The following USP16 variants were observed in gnomAD, a reference collection of about 807,000 sequenced individuals.
USP16 encodes the protein ubiquitin carboxyl-terminal hydrolase 16.
USP16 carries 77 observed loss-of-function variants against 95.9 expected under a neutral mutation model. The ratio of observed to expected loss-of-function variants is 0.80; its 90% CI spans 0.67 to 0.97. USP16 has a LOEUF of 0.97. Ranked by LOEUF, USP16 falls within the 50% of genes least tolerant of loss-of-function variation. USP16 has a pLI of 0.00. For missense variants in USP16, 943 were observed against 959.9 expected, an observed-to-expected ratio of 0.98 and a Z score of 0.23; for synonymous variants, 303 against 318.2, an observed-to-expected ratio of 0.95 and a Z score of 0.51.
intron 13 of USP16, among the ~76,000 whole-genome samples, 159 bp from the exon 14 acceptor site, chr21:29,046,508 A>C (rs2085325218): frequency 6.6e-6 from 1 of 152,168 alleles, no homozygotes; most frequent in South Asian, 2.1e-4. Context: ...TCAGATTGTG[A>C]GAGTGAACTC....
rs2085016901 is a variant in USP16, at chr21:29,027,895, T to G, written c.-19T>G. 5 of 1,613,378 alleles carry G rather than the reference T, an allele frequency of 3.1e-6. No homozygotes were observed. The highest frequency in any genetic ancestry group is 4.2e-6 in the Non-Finnish European group (5 of 1,179,544). On this transcript the variant is annotated 5_prime_UTR_variant, in exon 2 of 18. The change abolishes the stop of an existing upstream ORF in the 5' untranslated region. Transcript: ENST00000399976. ...TAGATTGTTATTTTGTGTCAGTAAG[T>G]AATCCATAAAGTGCCAACATGGGAA...
chr21:29,039,437 T>C (rs1261440519), intron 8 of USP16, 44 bp from the exon 9 acceptor site: 1 of 1,581,870 alleles, frequency 6.3e-7, no homozygotes, highest in Non-Finnish European at 8.7e-7. Flanking sequence ...CTTCAGAGCT[T>C]AGTAGACTGA....
At chr21:29,028,123 C>CATT in intron 2 of USP16, 149 bp downstream of exon 2, 1 of 430,138 alleles carries the variant, frequency 2.3e-6, no homozygotes. Context: ...TAGTCTTCTA[C>CATT]TTTTTTTTTT....
rs1601055249 is a variant in USP16, at chr21:29,038,330, T to G, written c.637-5T>G. On this transcript the variant is annotated splice_polypyrimidine_tract_variant and splice_region_variant and intron_variant, in intron 6 of 17. Coordinates refer to ENST00000399976, the MANE Select transcript of USP16 (RefSeq NM_006447.3). ...TTTCTCTTTTTTTTTCACCCTACAT[T>G]CTAGAACTTGTCACAAACACCAGTG... 6.2e-7 allele frequency: 1 copy of G among 1,600,616 alleles called. No individual in the cohort carries two copies. Among genetic ancestry groups the G allele is most frequent in the Middle Eastern group, 1.7e-4 (1 of 6,002 alleles).
Position 29,054,348 on chromosome 21 carries a change from G to A in USP16, c.*161G>A. 3.1e-6 allele frequency: 3 copies of A among 953,940 alleles called. No individual in the cohort carries two copies. The highest frequency in any genetic ancestry group is 3.0e-6 in the Non-Finnish European group (2 of 666,094). The allele number at this position is 953,940 out of a possible 1,614,324, so 59.1% of individuals were successfully genotyped here. A position where few individuals can be genotyped will look rare whatever the true frequency, so the allele number is the denominator to read the frequency against. ...ATTGAAGGGAAAAATACCTAAAAAT[G>A]TACAAAGGTTTTATATTGTCATAGT... On this transcript the variant is annotated 3_prime_UTR_variant, in exon 18 of 18. Transcript: ENST00000399976.
chr21:29,026,465 A>C (rs1170474696), intron 1 of USP16: 1 of 151,468 alleles, frequency 6.6e-6, no homozygotes, highest in Non-Finnish European at 1.5e-5. Flanking sequence ...CAAAAAAAAA[A>C]AAAAAAAAAG....
In USP16 at chr21:29,054,121, A is replaced by G. The variant is rs1406462930; in HGVS notation, c.2406A>G (p.Gln802=). 6.2e-7 allele frequency: 1 copy of G among 1,614,166 alleles called. No individual in the cohort carries two copies. The change falls in exon 18 of 18, where the codon CAA becomes CAG. Residue 802 remains glutamine, a synonymous_variant. Transcript: ENST00000399976. ...QWFHISDTHV[Q]AVPTTKVLNS... is the part of the protein sequence containing the mutation. ...TTCACATCAGCGACACACATGTGCA[A>G]GCTGTGCCTACAACTAAAGTACTAA...
rs749061953 is a variant in USP16, at chr21:29,047,310, C to T, written c.2000C>T (p.Ala667Val). 8.7e-6 allele frequency: 14 copies of T among 1,604,702 alleles called. No individual in the cohort carries two copies. Among genetic ancestry groups the T allele is most frequent in the Non-Finnish European group, 1.7e-6 (2 of 1,175,972 alleles). Residue 667 changes from alanine to valine, a missense_variant, in exon 14 of 18, where the codon GCA becomes GTA. Coordinates refer to ENST00000399976, the MANE Select transcript of USP16 (RefSeq NM_006447.3). ...CTRRQCNGPK[A>V]NIKGERKHVY... Reference sequence around the variant, plus strand: ...CGGAGACAGTGTAATGGACCAAAGGCAAATATAAAAGGTATTTTAATGCTC... The same window carrying T: ...CGGAGACAGTGTAATGGACCAAAGGTAAATATAAAAGGTATTTTAATGCTC...
intron 3 of USP16, among the ~76,000 whole-genome samples, chr21:29,032,538 G>A (rs1054088641): frequency 2.6e-5 from 4 of 152,166 alleles, no homozygotes; most frequent in Admixed American, 2.6e-4. Flanking sequence ...AGCCAGGATT[G>A]GCTTTTTCAC....
intron 13 of USP16, among the ~76,000 whole-genome samples, chr21:29,044,696 C>T (rs1482710292): frequency 6.6e-6 from 1 of 152,180 alleles, no homozygotes; most frequent in East Asian, 1.9e-4. Flanking sequence ...ATCTGCCCAC[C>T]TCAGCCTACC....
intron 2 of USP16, among the ~76,000 whole-genome samples, chr21:29,028,612 T>C (rs1412143681): frequency 6.6e-6 from 1 of 151,828 alleles, no homozygotes; most frequent in Non-Finnish European, 1.5e-5. Flanking sequence ...ATTTTTGTAT[T>C]TTTAGTAGAG....
At chr21:29,049,990 C>T in intron 15 of USP16, 102 bp from the exon 16 acceptor site, 1 of 984,762 alleles carries the variant, frequency 1.0e-6, no homozygotes, top group Non-Finnish European at 1.5e-6. Context: ...TGAACTAGGA[C>T]TTAATGTTGA....
At chr21:29,038,683 T>A (rs1467123580) in intron 7 of USP16, among the ~76,000 whole-genome samples, 1 of 152,236 alleles carries the variant, frequency 6.6e-6, no homozygotes, top group Admixed American at 6.5e-5. Context: ...TTGAGAAGCC[T>A]TAGGCTTACA....
chr21:29,030,323 C>T (rs2085058993), intron 2 of USP16, among the ~76,000 whole-genome samples: 1 of 151,938 alleles, frequency 6.6e-6, no homozygotes, highest in Non-Finnish European at 1.5e-5. Flanking sequence ...AAGGAAATAG[C>T]CAAATAAATT....
chr21:29,028,645 A>G (rs1337857185), intron 2 of USP16, among the ~76,000 whole-genome samples: 1 of 152,128 alleles, frequency 6.6e-6, no homozygotes, highest in Non-Finnish European at 1.5e-5. Flanking sequence ...CATGTTGACC[A>G]GGCTGGTCTT....
rs1224596265 is a variant in USP16 at position 29,046,769 on chromosome 21, C to T, written c.1459C>T (p.Leu487Phe). The part of the protein sequence containing the change: ...EDSEYEAEMS[L>F]QGEVNIKSNH... ...CAGTGAATATGAAGCTGAAATGTCACTTCAAGGAGAAGTAAATATTAAATC... is the reference window on the plus strand; with the variant it reads ...CAGTGAATATGAAGCTGAAATGTCATTTCAAGGAGAAGTAAATATTAAATC... The change falls in exon 14 of 18, where the codon CTT becomes TTT. Residue 487 changes from leucine (L) to phenylalanine (F), a missense_variant. Leu to Phe is a conservative substitution (Grantham distance 22, BLOSUM62 0). Transcript: ENST00000399976. 1 of 1,614,042 alleles carries T rather than the reference C, an allele frequency of 6.2e-7. No homozygotes were observed. The highest frequency in any genetic ancestry group is 8.5e-7 in the Non-Finnish European group (1 of 1,180,008).
chr21:29,053,674 C>T (rs1451876377), intron 16 of USP16, 128 bp from the exon 17 acceptor site: 3 of 899,386 alleles, frequency 3.3e-6, no homozygotes, highest in African/African-American at 3.3e-5. Context: ...AAAGAGTAGA[C>T]TCATGAATGA....
intron 12 of USP16, chr21:29,042,757 TTTGA>T (rs1334028087): frequency 2.8e-5 from 12 of 428,158 alleles, no homozygotes; most frequent in South Asian, 4.1e-5. Context: ...AAGTAATTAG[TTTGA>T]TTGGTTTCCA....
intron 10 of USP16, among the ~76,000 whole-genome samples, chr21:29,041,576 C>G (rs1047496415): frequency 2.0e-5 from 3 of 152,276 alleles, no homozygotes; most frequent in South Asian, 2.1e-4. Flanking sequence ...AAGTTACATG[C>G]ATTTTCTCTC....
Sources: gnomAD v4.1 joint callset for allele counts (sites outside exome capture counted in the v4.1 genomes callset) on GRCh38, gnomAD v4.1.1 for gene constraint, MANE v1.5 for transcripts, NCBI Gene and HGNC (gene_info 2026-07-23, HGNC 2026-07-21) for gene names.